Variants in ZNF804B observed in about 807,000 individuals in gnomAD.
ZNF804B encodes the protein zinc finger protein 804B.
In ZNF804B, 80 loss-of-function variants were observed where a neutral mutation model predicts 101.4. The ratio of observed to expected loss-of-function variants is 0.79; its 90% CI spans 0.66 to 0.95. The LOEUF (loss-of-function observed/expected upper bound fraction) is 0.95. Ranked by LOEUF, ZNF804B falls within the 40% of genes least tolerant of loss-of-function variation. The pLI, the probability that ZNF804B is intolerant of heterozygous loss-of-function variation, is 0.00. For synonymous variants in ZNF804B, 622 were observed against 558.8 expected, an observed-to-expected ratio of 1.11 and a Z score of -1.59; for missense variants, 1,673 against 1,561.9, an observed-to-expected ratio of 1.07 and a Z score of -1.20.
chr7:89,091,396 C>T (rs146971668), intron 1 of ZNF804B, among the ~76,000 whole-genome samples: 25 of 152,098 alleles, frequency 1.6e-4, no homozygotes, highest in African/African-American at 6.0e-4. Flanking sequence ...TATTATTTTA[C>T]AATATTTCTC....
chr7:89,219,252 A>G (rs1788944149), intron 2 of ZNF804B, among the ~76,000 whole-genome samples: 1 of 152,160 alleles, frequency 6.6e-6, no homozygotes, highest in Non-Finnish European at 1.5e-5. Context: ...AGAATCTATT[A>G]TAGTCTACAT....
intron 1 of ZNF804B, among the ~76,000 whole-genome samples, chr7:89,074,154 G>T (rs191383095): frequency 1.3e-5 from 2 of 152,156 alleles, no homozygotes; most frequent in African/African-American, 4.8e-5. Flanking sequence ...GTTCATTTAC[G>T]TGAGCCAATA....
At chr7:89,236,381 C>G (rs1053197214) in intron 2 of ZNF804B, among the ~76,000 whole-genome samples, 6 of 151,960 alleles carry the variant, frequency 3.9e-5, no homozygotes, top group African/African-American at 1.4e-4. Context: ...ATTGAGCCAA[C>G]TGTTATGAAA....
At chr7:89,034,466 G>A (rs147588255) in intron 1 of ZNF804B, among the ~76,000 whole-genome samples, 370 of 151,364 alleles carry the variant, frequency 2.4e-3, no homozygotes, top group African/African-American at 8.0e-3. Flanking sequence ...TGTTCTCATT[G>A]TTTAACTCCC....
At chr7:88,945,101 C>T (rs543644931) in intron 1 of ZNF804B, among the ~76,000 whole-genome samples, 2 of 152,042 alleles carry the variant, frequency 1.3e-5, no homozygotes, top group African/African-American at 4.8e-5. Context: ...TAATTAGATC[C>T]CATTTCTCAA....
chr7:89,162,942 C>T (rs956085381), intron 1 of ZNF804B, among the ~76,000 whole-genome samples: 4 of 145,838 alleles, frequency 2.7e-5, no homozygotes, highest in African/African-American at 5.0e-5. Context: ...TTTGTTCTTC[C>T]GATAGTTTAC....
intron 1 of ZNF804B, among the ~76,000 whole-genome samples, chr7:88,966,301 A>G (rs1230482451): frequency 6.6e-6 from 1 of 151,592 alleles, no homozygotes; most frequent in African/African-American, 2.4e-5. Context: ...CTTTTTGGTG[A>G]GGTGTGGAAA....
intron 2 of ZNF804B, among the ~76,000 whole-genome samples, chr7:89,258,412 G>T (rs781168390): frequency 5.3e-5 from 8 of 152,130 alleles, no homozygotes; most frequent in Non-Finnish European, 7.4e-5. Context: ...GTGGCTATGT[G>T]TAATAATAGC....
intron 1 of ZNF804B, among the ~76,000 whole-genome samples, chr7:88,952,731 T>A (rs1421337148): frequency 6.6e-6 from 1 of 151,834 alleles, no homozygotes; most frequent in Non-Finnish European, 1.5e-5. Flanking sequence ...ATAATTCCCA[T>A]AGATGCCTTT....
At chr7:88,796,364 T>A (rs1392622999) in intron 1 of ZNF804B, among the ~76,000 whole-genome samples, 1 of 152,150 alleles carries the variant, frequency 6.6e-6, no homozygotes, top group African/African-American at 2.4e-5. Flanking sequence ...AATAATTAAT[T>A]AATTGTGTAA....
chr7:88,897,849 C>T (rs1792312908), intron 1 of ZNF804B, among the ~76,000 whole-genome samples: 1 of 150,854 alleles, frequency 6.6e-6, no homozygotes, highest in African/African-American at 2.4e-5. Flanking sequence ...TAGTTAACAG[C>T]TTGGGGGAAG....
intron 1 of ZNF804B, among the ~76,000 whole-genome samples, chr7:89,146,187 G>A (rs1392728187): frequency 2.6e-5 from 4 of 152,002 alleles, no homozygotes; most frequent in African/African-American, 9.7e-5. Flanking sequence ...ATATTCAAAA[G>A]ATGAAGAAAA....
At chr7:88,889,320 T>C (rs1433241959) in intron 1 of ZNF804B, among the ~76,000 whole-genome samples, 1 of 152,106 alleles carries the variant, frequency 6.6e-6, no homozygotes, top group Non-Finnish European at 1.5e-5. Flanking sequence ...AGTAATGAGA[T>C]TGCTGGGTCC....
At chr7:89,262,660 C>G (rs576492241) in intron 2 of ZNF804B, among the ~76,000 whole-genome samples, 49 of 152,186 alleles carry the variant, frequency 3.2e-4, no homozygotes, top group African/African-American at 1.1e-3. Context: ...TTATGAGCTA[C>G]TAGGCTTGGT....
At chr7:88,858,336 A>G (rs866458287) in intron 1 of ZNF804B, among the ~76,000 whole-genome samples, 16 of 152,324 alleles carry the variant, frequency 1.1e-4, no homozygotes, top group African/African-American at 3.4e-4. Flanking sequence ...TTTATCACTT[A>G]TTGGAAGGAT....
rs142207896 is a variant in ZNF804B, at chr7:89,282,199, T to TAA, written c.250-45126_250-45125dup. Among the ~76,000 whole-genome samples, 551 of 108,942 alleles carry TAA rather than the reference T, an allele frequency of 5.1e-3. 10 individuals are homozygous for TAA. The highest frequency in any genetic ancestry group is 0.014 in the East Asian group (52 of 3,802). The allele number at this position is 108,942 out of a possible 152,430, so 71.5% of individuals were successfully genotyped here. ...CTGGGCGACAGAGCGAGACTCCGTC[T>TAA]AAAAAAAAAAAAAAAAAAAATGTAA... On this transcript the variant is annotated intron_variant, in intron 2 of 3. Transcript: ENST00000333190.
At chr7:88,862,231 C>T (rs1203715462) in intron 1 of ZNF804B, among the ~76,000 whole-genome samples, 1 of 152,128 alleles carries the variant, frequency 6.6e-6, no homozygotes, top group Non-Finnish European at 1.5e-5. Context: ...CCTACTCAGT[C>T]CCTTGGATCT....
intron 1 of ZNF804B, among the ~76,000 whole-genome samples, chr7:88,806,121 G>T (rs567353003): frequency 6.6e-6 from 1 of 151,936 alleles, no homozygotes; most frequent in Non-Finnish European, 1.5e-5. Flanking sequence ...ATTTTAAATT[G>T]GCTATATCCC....
chr7:88,872,079 A>G (rs1436061598), intron 1 of ZNF804B, among the ~76,000 whole-genome samples: 2 of 152,232 alleles, frequency 1.3e-5, no homozygotes, highest in Non-Finnish European at 2.9e-5. Flanking sequence ...TTCAAACACA[A>G]GAATTTTTAA....
Sources: gnomAD v4.1 joint callset for allele counts (sites outside exome capture counted in the v4.1 genomes callset) on GRCh38, gnomAD v4.1.1 for gene constraint, MANE v1.5 for transcripts, NCBI Gene and HGNC (gene_info 2026-07-23, HGNC 2026-07-21) for gene names.